SSBP2: variants seen among roughly 807,000 people sequenced by gnomAD.
SSBP2 encodes the protein single stranded DNA binding protein 2.
A neutral mutation model predicts 61.8 loss-of-function variants in SSBP2; 17 were observed. That is an observed-to-expected ratio of 0.28 (90% CI 0.19 to 0.41). The LOEUF (loss-of-function observed/expected upper bound fraction) is 0.41, where lower values mean the gene tolerates loss of function less well. Among genes scored for constraint, SSBP2 ranks in the 10% least tolerant of loss-of-function variants. The pLI is 1.00. For synonymous variants in SSBP2, 139 were observed against 141.3 expected (o/e 0.98, Z 0.12); for missense variants, 310 against 458.7 (o/e 0.68, Z 2.96).
At chr5:81,691,625 T>G (rs1391979853) in intron 1 of SSBP2, among the ~76,000 whole-genome samples, 1 of 151,744 alleles carries the variant, frequency 6.6e-6, no homozygotes, top group Non-Finnish European at 1.5e-5. Flanking sequence ...CTGAATTCTA[T>G]CAAACATTTA....
At chr5:81,694,635 C>T (rs1393597262) in intron 1 of SSBP2, among the ~76,000 whole-genome samples, 2 of 152,082 alleles carry the variant, frequency 1.3e-5, no homozygotes, top group Admixed American at 6.5e-5. Flanking sequence ...CTCTATCCTC[C>T]ACCCTTACCC....
chr5:81,476,535 G>A (rs1765606974), intron 6 of SSBP2, among the ~76,000 whole-genome samples: 1 of 152,086 alleles, frequency 6.6e-6, no homozygotes, highest in African/African-American at 2.4e-5. Context: ...TTCTTAGCAG[G>A]AATACCAGAG....
chr5:81,643,497 C>T (rs537688483), intron 2 of SSBP2, among the ~76,000 whole-genome samples: 21 of 151,840 alleles, frequency 1.4e-4, no homozygotes, highest in African/African-American at 3.9e-4. Context: ...ACTGTTCCCA[C>T]CAATTTTCTA....
chr5:81,665,832 A>T (rs1751076513), intron 1 of SSBP2, among the ~76,000 whole-genome samples: 1 of 152,112 alleles, frequency 6.6e-6, no homozygotes, highest in African/African-American at 2.4e-5. Flanking sequence ...CTAGAAAAGA[A>T]CCTCTCTTAT....
At chr5:81,699,910 C>A (rs1189293101) in intron 1 of SSBP2, among the ~76,000 whole-genome samples, 1 of 144,728 alleles carries the variant, frequency 6.9e-6, no homozygotes, top group Non-Finnish European at 1.5e-5. Flanking sequence ...GGCTGGAGTA[C>A]GGTGGCACCA....
At chr5:81,554,139 A>AT (rs1336512306) in intron 4 of SSBP2, among the ~76,000 whole-genome samples, 2 of 152,128 alleles carry the variant, frequency 1.3e-5, no homozygotes, top group Non-Finnish European at 2.9e-5. Context: ...AATAATAAAA[A>AT]TTAGATATAA....
rs143693128 is a variant in SSBP2 at position 81,578,345 on chromosome 5, A to G, written c.282+37128T>C. On this transcript the variant is annotated intron_variant, in intron 4 of 16. Transcript: ENST00000320672. ...CCTTGTTCCTTCTTGCCATTCCAAA[A>G]TCCCAGAGAACGTCAGTGCTTGGAA... 6.9e-4 allele frequency among the ~76,000 whole-genome samples: 105 copies of G among 152,050 alleles called. 1 individual carries two copies. The highest frequency in any genetic ancestry group is 2.4e-3 in the African/African-American group (99 of 41,536).
At chr5:81,570,581 A>G (rs922669077) in intron 4 of SSBP2, among the ~76,000 whole-genome samples, 1 of 152,226 alleles carries the variant, frequency 6.6e-6, no homozygotes, top group African/African-American at 2.4e-5. Flanking sequence ...TAAGCACATC[A>G]TTCCTCCAAC....
chr5:81,673,369 T>A (rs1325157500), intron 1 of SSBP2, among the ~76,000 whole-genome samples: 1 of 152,108 alleles, frequency 6.6e-6, no homozygotes, highest in Non-Finnish European at 1.5e-5. Flanking sequence ...CCCAAAAGAA[T>A]AGGGAACTCT....
intron 3 of SSBP2, among the ~76,000 whole-genome samples, chr5:81,624,264 T>C (rs921025289): frequency 2.0e-5 from 3 of 152,198 alleles, no homozygotes; most frequent in Non-Finnish European, 2.9e-5. Context: ...CCCCATCTAT[T>C]TTATTAAGCA....
chr5:81,440,281 G>A (rs1762947768), intron 14 of SSBP2, among the ~76,000 whole-genome samples: 1 of 152,156 alleles, frequency 6.6e-6, no homozygotes, highest in South Asian at 2.1e-4. Flanking sequence ...CGTGCCCACA[G>A]CAGCAATGTC....
intron 15 of SSBP2, among the ~76,000 whole-genome samples, chr5:81,432,618 C>A (rs181381846): frequency 1.3e-5 from 2 of 151,946 alleles, no homozygotes; most frequent in Admixed American, 6.6e-5. Context: ...TGGTGGTGTG[C>A]GCCTGTAATC....
At chr5:81,717,773 T>G (rs1030618778) in intron 1 of SSBP2, among the ~76,000 whole-genome samples, 8 of 152,218 alleles carry the variant, frequency 5.3e-5, no homozygotes, top group African/African-American at 1.9e-4. Flanking sequence ...TCTACTTACA[T>G]TTTCAATGCT....
At chr5:81,606,743 C>G (rs1002533065) in intron 4 of SSBP2, among the ~76,000 whole-genome samples, 4 of 152,112 alleles carry the variant, frequency 2.6e-5, no homozygotes, top group Non-Finnish European at 5.9e-5. Context: ...AAGTTAGAAT[C>G]CTACACAAAA....
intron 4 of SSBP2, among the ~76,000 whole-genome samples, chr5:81,531,944 T>C (rs935942968): frequency 6.6e-6 from 1 of 152,136 alleles, no homozygotes; most frequent in Non-Finnish European, 1.5e-5. Flanking sequence ...GAAAGCAGTG[T>C]ATCCATGCAT....
chr5:81,722,420 G>A (rs1484904098), intron 1 of SSBP2, among the ~76,000 whole-genome samples: 27 of 147,012 alleles, frequency 1.8e-4, no homozygotes, highest in African/African-American at 6.7e-4. Flanking sequence ...TTCAAAATGA[G>A]GGCAAAGAGA....
rs141499410 is a variant in SSBP2, at chr5:81,642,203, C to T, written c.136-5585G>A. Among the ~76,000 whole-genome samples the T allele has an allele frequency of 1.8e-3, 273 of 152,234 alleles. 1 individual carries two copies. The highest frequency in any genetic ancestry group is 6.4e-3 in the African/African-American group (266 of 41,558). ...AGGTATTTTCTGTTGTATTGAGTTT[C>T]GTGGGCTTCAGGCCTATTTAGGTTT... On this transcript the variant is annotated intron_variant, in intron 2 of 16. Coordinates refer to ENST00000320672, the MANE Select transcript of SSBP2 (RefSeq NM_012446.5).
chr5:81,433,374 C>G (rs1431302301), intron 15 of SSBP2, among the ~76,000 whole-genome samples: 1 of 151,970 alleles, frequency 6.6e-6, no homozygotes, highest in Admixed American at 6.6e-5. Context: ...AAGGGCGGTG[C>G]AAGATGTGCT....
At chr5:81,651,912 C>T (rs1749763856) in intron 1 of SSBP2, among the ~76,000 whole-genome samples, 1 of 152,112 alleles carries the variant, frequency 6.6e-6, no homozygotes, top group Non-Finnish European at 1.5e-5. Context: ...GTAAAATCTT[C>T]TTGGATAGGC....
Sources: allele counts gnomAD v4.1 joint callset (sites outside exome capture counted in the v4.1 genomes callset), GRCh38; gene constraint gnomAD v4.1.1; transcripts MANE v1.5; gene names NCBI Gene and HGNC (gene_info 2026-07-23, HGNC 2026-07-21).